PLSCR2: variants seen among roughly 807,000 people sequenced by gnomAD.
PLSCR2 encodes the protein phospholipid scramblase 2.
In PLSCR2, 18 loss-of-function variants were observed where a neutral mutation model predicts 25.3. The observed-to-expected ratio is 0.71, with a 90% CI of 0.49 to 1.06. The LOEUF (loss-of-function observed/expected upper bound fraction) is 1.06, where lower values mean the gene tolerates loss of function less well. PLSCR2 is among the 50% of genes least tolerant of loss of function. The probability of loss-of-function intolerance (pLI) is 0.00; values close to 1 mark genes in which losing one functional copy is unlikely to be tolerated. For synonymous variants in PLSCR2, 88 were observed against 87.3 expected (o/e 1.01, Z -0.04); for missense variants, 243 against 269.5 (o/e 0.90, Z 0.69).
At chr3:146,393,608 A>G (rs1177292648) in intron 3 of PLSCR2, among the ~76,000 whole-genome samples, 1 of 151,766 alleles carries the variant, frequency 6.6e-6, no homozygotes, top group Non-Finnish European at 1.5e-5. Context: ...CAAGAGATTG[A>G]GACCATCCTG....
chr3:146,471,574 T>C (rs1373652538), intron 1 of PLSCR2, among the ~76,000 whole-genome samples: 1 of 151,718 alleles, frequency 6.6e-6, no homozygotes, highest in Non-Finnish European at 1.5e-5. Flanking sequence ...TTCTTTTTTT[T>C]TTTTTTTTCT....
intron 2 of PLSCR2, among the ~76,000 whole-genome samples, chr3:146,403,626 A>C (rs1283162418): frequency 6.6e-6 from 1 of 151,912 alleles, no homozygotes. Flanking sequence ...ATTAGTTTTT[A>C]CCTGTCTCAT....
At chr3:146,460,983 A>C (rs1449561657), upstream of PLSCR2, among the ~76,000 whole-genome samples, 1 of 152,002 alleles carries the variant, frequency 6.6e-6, no homozygotes, top group Non-Finnish European at 1.5e-5. Context: ...AAAATTAAAC[A>C]AAACAAAAGT....
chr3:146,456,933 TTGTATAA>T (rs1378882300), intron 3 of PLSCR2, among the ~76,000 whole-genome samples: 1 of 152,032 alleles, frequency 6.6e-6, no homozygotes, highest in African/African-American at 2.4e-5. Context: ...AAATATAATG[TTGTATAA>T]TGTATAGTGT....
At chr3:146,451,173 G>T (rs534224806) in intron 5 of PLSCR2, among the ~76,000 whole-genome samples, 18 of 144,292 alleles carry the variant, frequency 1.2e-4, no homozygotes, top group Admixed American at 7.1e-4. Context: ...GGAGTGCAAC[G>T]GCGCGATCTC....
At chr3:146,436,086 T>C (rs974259971) in intron 8 of PLSCR2, among the ~76,000 whole-genome samples, 16 of 152,320 alleles carry the variant, frequency 1.1e-4, no homozygotes, top group Non-Finnish European at 2.4e-4. Flanking sequence ...TGGTTGTACA[T>C]GTGTGGTATT....
At chr3:146,392,256 A>C (rs891704973) in intron 3 of PLSCR2, among the ~76,000 whole-genome samples, 4 of 152,122 alleles carry the variant, frequency 2.6e-5, no homozygotes, top group Admixed American at 6.5e-5. Context: ...ATAAACATTA[A>C]ATTTTTGACA....
chr3:146,452,661 C>A (rs758382083), intron 5 of PLSCR2, among the ~76,000 whole-genome samples: 7 of 152,066 alleles, frequency 4.6e-5, no homozygotes. Flanking sequence ...TGAAGAGCTA[C>A]TGAATGAAAT....
intron 1 of PLSCR2, among the ~76,000 whole-genome samples, chr3:146,487,961 G>T (rs2043406549): frequency 6.6e-6 from 1 of 151,964 alleles, no homozygotes; most frequent in Admixed American, 6.6e-5. Context: ...GCAAGGTACT[G>T]GTACCAAAAC....
chr3:146,447,101 C>T (rs1576647053), intron 6 of PLSCR2, among the ~76,000 whole-genome samples: 1 of 152,176 alleles, frequency 6.6e-6, no homozygotes, highest in Non-Finnish European at 1.5e-5. Context: ...CGGGCTCCCC[C>T]CTGGCCCAGC....
At chr3:146,394,200 A>G (rs2038195947) in intron 3 of PLSCR2, among the ~76,000 whole-genome samples, 1 of 151,906 alleles carries the variant, frequency 6.6e-6, no homozygotes, top group South Asian at 2.1e-4. Context: ...TTGGTCATTA[A>G]TTTAGATTTG....
At chr3:146,422,569 T>G (rs2039188283) in intron 2 of PLSCR2, among the ~76,000 whole-genome samples, 1 of 151,954 alleles carries the variant, frequency 6.6e-6, no homozygotes, top group Non-Finnish European at 1.5e-5. Flanking sequence ...ATGGAACTGG[T>G]TATACATGGT....
downstream of PLSCR2, among the ~76,000 whole-genome samples, chr3:146,437,188 T>C (rs572141309): frequency 1.6e-4 from 24 of 152,280 alleles, no homozygotes; most frequent in Admixed American, 1.4e-3. Flanking sequence ...CAGTATTTCA[T>C]TGAGGATTTT....
chr3:146,406,141 G>A (rs940731925), intron 2 of PLSCR2, among the ~76,000 whole-genome samples: 2 of 152,184 alleles, frequency 1.3e-5, no homozygotes, highest in Non-Finnish European at 2.9e-5. Context: ...ACATAATTTA[G>A]GATGAGAAGC....
chr3:146,418,724 G>C (rs1338660609), intron 2 of PLSCR2, among the ~76,000 whole-genome samples: 1 of 152,164 alleles, frequency 6.6e-6, no homozygotes, highest in Non-Finnish European at 1.5e-5. Flanking sequence ...GGGGAAGCAT[G>C]TGTTTTCAGC....
chr3:146,418,122 T>C (rs1028910471), intron 2 of PLSCR2, among the ~76,000 whole-genome samples: 3 of 152,232 alleles, frequency 2.0e-5, no homozygotes, highest in African/African-American at 7.2e-5. Context: ...TGCAATTATG[T>C]TTGAAAAATA....
At chr3:146,449,344 A>T in exon 6 of PLSCR2, 5 of 1,600,428 alleles carry the variant, frequency 3.1e-6, no homozygotes, top group Non-Finnish European at 4.3e-6. Context: ...TGCCAACCAC[A>T]ATTTGTTCAT....
chr3:146,462,217 T>TG (rs1317796389), upstream of PLSCR2, among the ~76,000 whole-genome samples: 1 of 151,984 alleles, frequency 6.6e-6, no homozygotes, highest in African/African-American at 2.4e-5. Flanking sequence ...TTAAATCCTT[T>TG]GGGCTTGACC....
intron 3 of PLSCR2, 37 bp from the exon 4 acceptor site, chr3:146,455,496 A>G: frequency 8.2e-7 from 1 of 1,224,070 alleles, no homozygotes; most frequent in Non-Finnish European, 1.2e-6. Flanking sequence ...CTTTACGTTA[A>G]AATGATTGAA....
Sources: allele counts gnomAD v4.1 joint callset (sites outside exome capture counted in the v4.1 genomes callset), GRCh38; gene constraint gnomAD v4.1.1; transcripts MANE v1.5; gene names NCBI Gene and HGNC (gene_info 2026-07-23, HGNC 2026-07-21).